The following SLC66A3 variants were observed in gnomAD, a reference collection of about 807,000 sequenced individuals.
SLC66A3 encodes the protein solute carrier family 66 member 3.
SLC66A3 carries 23 observed loss-of-function variants against 25.5 expected under a neutral mutation model. The ratio of observed to expected loss-of-function variants is 0.90; its 90% CI spans 0.65 to 1.28. The LOEUF (loss-of-function observed/expected upper bound fraction) is 1.28. Among genes scored for constraint, SLC66A3 ranks in the 50% most tolerant of loss-of-function variants. The pLI is 0.00. For missense variants in SLC66A3, 246 were observed against 262.1 expected (o/e 0.94, Z 0.42); for synonymous variants, 108 against 112.6 (o/e 0.96, Z 0.26).
chr2:11,164,551 A>G (rs377238965), intron 4 of SLC66A3, among the ~76,000 whole-genome samples: 2 of 137,324 alleles, frequency 1.5e-5, no homozygotes, highest in East Asian at 4.3e-4. Context: ...TTTTTTTTTT[A>G]GTATTTATTG....
chr2:11,157,278 G>A (rs1035011233), intron 1 of SLC66A3, among the ~76,000 whole-genome samples: 3 of 152,210 alleles, frequency 2.0e-5, no homozygotes, highest in Non-Finnish European at 4.4e-5. Flanking sequence ...GGTTGGGTGG[G>A]GCAGCAGCTT....
In SLC66A3 at chr2:11,160,405, G is replaced by C. The variant is rs959083193; in HGVS notation, c.144-61G>C. The C allele has an allele frequency of 4.1e-6, 6 of 1,475,682 alleles. No individual in the cohort carries two copies. In the African/African-American group the frequency reaches 8.3e-5, roughly 20 times the overall value. 91.4% of individuals were successfully genotyped at this position (1,475,682 alleles called of 1,614,324 possible). A position where few individuals can be genotyped will look rare whatever the true frequency, so the allele number is the denominator to read the frequency against. Reference sequence around the variant, plus strand: ...AACTGACCTCAGTGTTCTGGTGCCTGCCAGGCCCCGACAGCTGCGTTTTGG... The same window carrying C: ...AACTGACCTCAGTGTTCTGGTGCCTCCCAGGCCCCGACAGCTGCGTTTTGG... On this transcript the variant is annotated intron_variant, in intron 1 of 6. Coordinates refer to ENST00000295083, the MANE Select transcript of SLC66A3 (RefSeq NM_152391.5).
chr2:11,170,609 G>T (rs1243461569), intron 4 of SLC66A3, among the ~76,000 whole-genome samples: 22 of 144,432 alleles, frequency 1.5e-4, no homozygotes, highest in African/African-American at 5.0e-4. Context: ...TTTTTTTTGA[G>T]ACGGAGTTGC....
intron 4 of SLC66A3, among the ~76,000 whole-genome samples, chr2:11,169,139 T>C (rs764466691): frequency 3.3e-5 from 5 of 152,174 alleles, no homozygotes; most frequent in Non-Finnish European, 5.9e-5. Flanking sequence ...ATTACAGGCT[T>C]GAGCCACTGC....
chr2:11,170,949 T>C (rs1433761411), intron 4 of SLC66A3, among the ~76,000 whole-genome samples: 1 of 152,148 alleles, frequency 6.6e-6, no homozygotes, highest in East Asian at 1.9e-4. Context: ...CAAGCATTGA[T>C]TCTTTCTCAT....
intron 2 of SLC66A3, 35 bp downstream of exon 2, chr2:11,160,583 G>T: frequency 6.2e-7 from 1 of 1,614,068 alleles, no homozygotes; most frequent in Non-Finnish European, 8.5e-7. Context: ...GGACTGCCAC[G>T]GGTCTCCCCT....
chr2:11,165,526 C>T (rs537879130), intron 4 of SLC66A3, among the ~76,000 whole-genome samples: 1 of 151,914 alleles, frequency 6.6e-6, no homozygotes, highest in African/African-American at 2.4e-5. Context: ...CTCCTCACTT[C>T]CCAGACTGGG....
At chr2:11,174,809 T>A (rs186310659) in intron 5 of SLC66A3, among the ~76,000 whole-genome samples, 159 bp from the exon 6 acceptor site, 19 of 152,308 alleles carry the variant, frequency 1.2e-4, no homozygotes, top group Admixed American at 3.9e-4. Flanking sequence ...TACCAAACTC[T>A]GTCAAGAATA....
chr2:11,156,802 A>G (rs2147979032), intron 1 of SLC66A3, among the ~76,000 whole-genome samples: 1 of 152,176 alleles, frequency 6.6e-6, no homozygotes, highest in South Asian at 2.1e-4. Flanking sequence ...CCCAGGCTGG[A>G]TGGCAGGGTT....
intron 4 of SLC66A3, among the ~76,000 whole-genome samples, chr2:11,170,318 T>C (rs1662504114): frequency 6.6e-6 from 1 of 152,196 alleles, no homozygotes; most frequent in Non-Finnish European, 1.5e-5. Flanking sequence ...CCCTTCGGTC[T>C]ACACTCAACC....
chr2:11,175,489 G>A (rs2148004362), intron 6 of SLC66A3, among the ~76,000 whole-genome samples: 1 of 152,340 alleles, frequency 6.6e-6, no homozygotes, highest in Admixed American at 6.5e-5. Flanking sequence ...AAGGTCATGA[G>A]CGAAGGACAA....
chr2:11,158,385 G>A (rs1398160431), intron 1 of SLC66A3, among the ~76,000 whole-genome samples: 3 of 151,932 alleles, frequency 2.0e-5, no homozygotes, highest in African/African-American at 7.3e-5. Flanking sequence ...AGTGTAGGCT[G>A]GGTGCAGTGG....
chr2:11,177,073 A>G (rs2148006126), intron 6 of SLC66A3, among the ~76,000 whole-genome samples: 1 of 152,336 alleles, frequency 6.6e-6, no homozygotes, highest in Admixed American at 6.5e-5. Flanking sequence ...TGATCTTAAC[A>G]GAGTATGTTA....
At chr2:11,177,699 TA>T in intron 6 of SLC66A3, 37 bp from the exon 7 acceptor site, 1 of 1,384,968 alleles carries the variant, frequency 7.2e-7, no homozygotes, top group Non-Finnish European at 1.0e-6. Flanking sequence ...GTCTGTATTG[TA>T]AAGACAGTTT....
intron 4 of SLC66A3, among the ~76,000 whole-genome samples, chr2:11,165,539 G>T (rs1415820462): frequency 6.6e-6 from 1 of 151,666 alleles, no homozygotes; most frequent in East Asian, 1.9e-4. Flanking sequence ...AGACTGGGCA[G>T]CCGGGCAGAG....
chr2:11,162,705 C>T lies in SLC66A3; in HGVS notation c.297-1499C>T, dbSNP rs543335784. Among the ~76,000 whole-genome samples, 3 of 152,320 alleles carry T rather than the reference C, an allele frequency of 2.0e-5. No homozygotes were observed. The East Asian group carries it at 5.8e-4, about 29-fold the overall frequency. On this transcript the variant is annotated intron_variant, in intron 3 of 6. Transcript: ENST00000295083. Reference sequence around the variant, plus strand: ...CACTGCAAGCTCCGCCTCCCGGGTTCACGCCATTCTCCTGCCTCAGCCTCC... The same window carrying T: ...CACTGCAAGCTCCGCCTCCCGGGTTTACGCCATTCTCCTGCCTCAGCCTCC...
intron 5 of SLC66A3, among the ~76,000 whole-genome samples, chr2:11,173,189 A>G (rs541544884): frequency 1.3e-5 from 2 of 152,210 alleles, no homozygotes; most frequent in South Asian, 2.1e-4. Flanking sequence ...GGGTCTCACT[A>G]TGTTGCCAAG....
At chr2:11,165,110 G>A (rs1390898957) in intron 4 of SLC66A3, among the ~76,000 whole-genome samples, 6 of 151,986 alleles carry the variant, frequency 3.9e-5, no homozygotes, top group Non-Finnish European at 7.4e-5. Context: ...AGGGGCGGCC[G>A]GGCAGAGGCA....
At chr2:11,160,596 C>A in intron 2 of SLC66A3, 29 bp from the exon 3 acceptor site, 1 of 1,614,162 alleles carries the variant, frequency 6.2e-7, no homozygotes. Context: ...TCTCCCCTTC[C>A]CCCCTCACTC....
Sources: gnomAD v4.1 joint callset for allele counts (sites outside exome capture counted in the v4.1 genomes callset) on GRCh38, gnomAD v4.1.1 for gene constraint, MANE v1.5 for transcripts, NCBI Gene and HGNC (gene_info 2026-07-23, HGNC 2026-07-21) for gene names.